ITGB6: variants seen among roughly 807,000 people sequenced by gnomAD.
ITGB6 encodes integrin subunit beta 6.
In ITGB6, 80 loss-of-function variants were observed where a neutral mutation model predicts 84.5. That is an observed-to-expected ratio of 0.95 (90% CI 0.79 to 1.14). The LOEUF (loss-of-function observed/expected upper bound fraction) is 1.14, where lower values mean the gene tolerates loss of function less well. Ranked by LOEUF, ITGB6 falls within the 50% of genes most tolerant of loss-of-function variation. The probability of loss-of-function intolerance (pLI) is 0.00; values close to 1 mark genes in which losing one functional copy is unlikely to be tolerated. For missense variants in ITGB6, 1,006 were observed against 968.0 expected (o/e 1.04, Z -0.52); for synonymous variants, 383 against 354.9 (o/e 1.08, Z -0.89).
intron 4 of ITGB6, among the ~76,000 whole-genome samples, chr2:160,188,760 T>C (rs1457298200): frequency 6.6e-6 from 1 of 151,998 alleles, no homozygotes; most frequent in African/African-American, 2.4e-5. Flanking sequence ...TGTGCCCCCA[T>C]GCCTGGCTAA....
intron 11 of ITGB6, among the ~76,000 whole-genome samples, chr2:160,125,345 G>A (rs569092986): frequency 6.6e-6 from 1 of 152,270 alleles, no homozygotes; most frequent in East Asian, 1.9e-4. Context: ...AAATTCAAAT[G>A]GCTTTGATTG....
intron 6 of ITGB6, among the ~76,000 whole-genome samples, chr2:160,169,694 C>A (rs935272552): frequency 1.3e-5 from 2 of 152,180 alleles, no homozygotes; most frequent in African/African-American, 4.8e-5. Context: ...GAGGGAGGGG[C>A]TGTTGGACTA....
intron 10 of ITGB6, among the ~76,000 whole-genome samples, chr2:160,133,254 G>T (rs1559127476): frequency 6.6e-6 from 1 of 152,062 alleles, no homozygotes; most frequent in East Asian, 1.9e-4. Flanking sequence ...AAAGGCAGGG[G>T]TTGCAATCCT....
At chr2:160,165,900 C>G (rs999338229) in intron 7 of ITGB6, among the ~76,000 whole-genome samples, 1 of 152,232 alleles carries the variant, frequency 6.6e-6, no homozygotes, top group African/African-American at 2.4e-5. Context: ...TGCTCTGTGT[C>G]TGTGGGCTTC....
intron 10 of ITGB6, among the ~76,000 whole-genome samples, chr2:160,134,678 C>A (rs1043596299): frequency 6.6e-6 from 1 of 152,198 alleles, no homozygotes; most frequent in Non-Finnish European, 1.5e-5. Context: ...CAAACCGAAT[C>A]CAGCTGCACA....
intron 12 of ITGB6, among the ~76,000 whole-genome samples, chr2:160,113,753 G>A (rs750752898): frequency 2.0e-5 from 3 of 152,218 alleles, no homozygotes; most frequent in Non-Finnish European, 4.4e-5. Flanking sequence ...CTGATTAAGA[G>A]ATTTGGTGAG....
At chr2:160,143,228 T>C (rs1684066795) in intron 7 of ITGB6, among the ~76,000 whole-genome samples, 1 of 152,086 alleles carries the variant, frequency 6.6e-6, no homozygotes, top group African/African-American at 2.4e-5. Context: ...GAGGCTGCAG[T>C]GAGCTGATAG....
At chr2:160,156,651 A>G (rs1202356023) in intron 7 of ITGB6, among the ~76,000 whole-genome samples, 1 of 152,136 alleles carries the variant, frequency 6.6e-6, no homozygotes, top group Non-Finnish European at 1.5e-5. Flanking sequence ...GTTCCCTTTC[A>G]TTGTTCACAG....
At chr2:160,123,941 G>C (rs762039958) in intron 11 of ITGB6, 53 bp from the exon 12 acceptor site, 11 of 1,328,610 alleles carry the variant, frequency 8.3e-6, no homozygotes, top group Non-Finnish European at 9.6e-6. Context: ...AAATAGATTT[G>C]CAGCTTGAAT....
At position 160,174,097 on chromosome 2, in the gene ITGB6, G is replaced by T; in HGVS notation, c.636C>A (p.His212Gln). The T allele has an allele frequency of 6.2e-7, 1 of 1,611,940 alleles. No individual in the cohort carries two copies. The highest frequency in any genetic ancestry group is 8.5e-7 in the Non-Finnish European group (1 of 1,179,396). The change falls in exon 5 of 15, where the codon CAC (histidine) becomes CAA (glutamine). Residue 212 changes from histidine to glutamine, a missense_variant. By Grantham distance (24) the His-to-Gln change is conservative. Transcript: ENST00000283249. Reference sequence around the variant, plus strand: ...CAGCATCATTTGTCAATGGCAAAATGTGCTTGAATCCAAATGTAGGTAAAC... The same window carrying T: ...CAGCATCATTTGTCAATGGCAAAATTTGCTTGAATCCAAATGTAGGTAAAC... The part of the protein sequence containing the change: ...YFCLPTFGFK[H>Q]ILPLTNDAER...
intron 7 of ITGB6, among the ~76,000 whole-genome samples, chr2:160,163,631 C>CA (rs11335168): frequency 0.016 from 2,160 of 138,008 alleles, 60 homozygotes; most frequent in African/African-American, 0.057. Flanking sequence ...GACTTTGTCT[C>CA]AAAAAAAAAA....
chr2:160,120,256 T>G (rs1190150239), intron 12 of ITGB6, among the ~76,000 whole-genome samples: 1 of 150,608 alleles, frequency 6.6e-6, no homozygotes, highest in Admixed American at 6.7e-5. Flanking sequence ...AGCAAAGACT[T>G]GGAACCAACC....
intron 7 of ITGB6, 51 bp downstream of exon 7, chr2:160,169,161 T>C (rs1243861580): frequency 1.9e-6 from 2 of 1,051,422 alleles, no homozygotes; most frequent in African/African-American, 3.2e-5. Flanking sequence ...ATGTTAAAGT[T>C]TCATGTCACA....
chr2:160,164,051 G>C (rs1454197033), intron 7 of ITGB6, among the ~76,000 whole-genome samples: 2 of 152,176 alleles, frequency 1.3e-5, no homozygotes, highest in African/African-American at 4.8e-5. Context: ...GAAAGATAGT[G>C]AATAGAAAAG....
intron 14 of ITGB6, among the ~76,000 whole-genome samples, chr2:160,104,142 C>T (rs2105768862): frequency 6.6e-6 from 1 of 152,232 alleles, no homozygotes; most frequent in South Asian, 2.1e-4. Context: ...CAAGACATTG[C>T]TTATAGGGAG....
At position 160,101,701 on chromosome 2, in the gene ITGB6, C is replaced by A; in HGVS notation, c.*35G>T. ...TAAATAGTGCATTAACATTTCATAT[C>A]AGTGAAACAGACTTTTTTCATGCAT... On this transcript the variant is annotated 3_prime_UTR_variant, in exon 15 of 15. Coordinates refer to ENST00000283249, the MANE Select transcript of ITGB6 (RefSeq NM_000888.5). 9.0e-7 allele frequency: 1 copy of A among 1,114,138 alleles called. No homozygotes were observed. Among genetic ancestry groups the A allele is most frequent in the South Asian group, 1.3e-5 (1 of 79,020 alleles). 69.0% of individuals were successfully genotyped at this position (1,114,138 alleles called of 1,614,324 possible). A position where few individuals can be genotyped will look rare whatever the true frequency, so the allele number is the denominator to read the frequency against.
chr2:160,193,725 A>T (rs1421039274), intron 4 of ITGB6, among the ~76,000 whole-genome samples: 1 of 152,232 alleles, frequency 6.6e-6, no homozygotes, highest in East Asian at 1.9e-4. Context: ...CCCCAGCAAC[A>T]TTCTTGGACT....
chr2:160,131,623 T>C (rs1335019112), intron 10 of ITGB6, among the ~76,000 whole-genome samples: 1 of 152,208 alleles, frequency 6.6e-6, no homozygotes, highest in Non-Finnish European at 1.5e-5. Context: ...ACTTTCATTA[T>C]ACCATTTGAA....
intron 7 of ITGB6, among the ~76,000 whole-genome samples, chr2:160,142,911 T>G (rs1684053633): frequency 6.6e-6 from 1 of 152,246 alleles, no homozygotes; most frequent in Non-Finnish European, 1.5e-5. Flanking sequence ...AGGTGTGTGA[T>G]AGACATACCT....
Sources: allele counts gnomAD v4.1 joint callset (sites outside exome capture counted in the v4.1 genomes callset), GRCh38; gene constraint gnomAD v4.1.1; transcripts MANE v1.5; gene names NCBI Gene and HGNC (gene_info 2026-07-23, HGNC 2026-07-21).